The following COPB2 variants were observed in gnomAD, a reference collection of about 807,000 sequenced individuals.
COPB2 encodes coat protein complex I subunit beta 2.
Under a neutral mutation model 120.8 loss-of-function variants are expected in COPB2, and 16 were observed. The observed-to-expected ratio is 0.13, with a 90% CI of 0.09 to 0.20. The LOEUF (loss-of-function observed/expected upper bound fraction) is 0.20, where lower values mean the gene tolerates loss of function less well. Among genes scored for constraint, COPB2 ranks in the 10% least tolerant of loss-of-function variants. COPB2 has a pLI of 1.00. For missense variants in COPB2, 794 were observed against 1,076.5 expected (o/e 0.74, Z 3.67); for synonymous variants, 332 against 366.3 (o/e 0.91, Z 1.07).
Position 139,389,558 on chromosome 3 carries a change from T to C in COPB2, c.-8A>G. On this transcript the variant is annotated 5_prime_UTR_variant, in exon 1 of 22. Coordinates refer to ENST00000333188, the MANE Select transcript of COPB2 (RefSeq NM_004766.3). ...GGGATCTGGACCTACCATGGCTGCG[T>C]CGGTCCAATCCCGGGAACCCTCGTT... The C allele has an allele frequency of 6.3e-7, 1 of 1,577,268 alleles. No homozygotes were observed. Among genetic ancestry groups the C allele is most frequent in the Non-Finnish European group, 8.7e-7 (1 of 1,154,994 alleles).
chr3:139,359,402 A>G (rs1420457526), intron 17 of COPB2, 40 bp from the exon 18 acceptor site: 1 of 1,575,230 alleles, frequency 6.3e-7, no homozygotes, highest in Admixed American at 1.7e-5. Flanking sequence ...CCAAGAATAA[A>G]CACTATAATA....
chr3:139,383,180 A>C, intron 2 of COPB2, 118 bp downstream of exon 2: 1 of 1,186,450 alleles, frequency 8.4e-7, no homozygotes, highest in Non-Finnish European at 1.2e-6. Flanking sequence ...CTTTGTACCA[A>C]CTTGAGAAAG....
At position 139,387,044 on chromosome 3, in the gene COPB2, C is replaced by CA. The variant is rs538025993; in HGVS notation, c.3+2503dup. 4.9e-3 allele frequency among the ~76,000 whole-genome samples: 592 copies of CA among 121,286 alleles called. 6 individuals are homozygous for CA. Among genetic ancestry groups the CA allele is most frequent in the African/African-American group, 0.012 (366 of 29,474 alleles). The allele number at this position is 121,286 out of a possible 152,430, so 79.6% of individuals were successfully genotyped here. A position where few individuals can be genotyped will look rare whatever the true frequency, so the allele number is the denominator to read the frequency against. ...TGAAACCCCGTCTCTACTAAAAATA[C>CA]AAAAAAAAAAAAAAAAATTAGTTGG... On this transcript the variant is annotated intron_variant, in intron 1 of 21. Transcript: ENST00000333188.
Position 139,357,628 on chromosome 3 carries a change from A to G in COPB2, c.*235T>C, listed in dbSNP as rs1413318637. 1.4e-5 allele frequency: 5 copies of G among 368,230 alleles called. No individual in the cohort carries two copies. In the Admixed American group the frequency reaches 2.2e-4, roughly 16 times the overall value. The allele number at this position is 368,230 out of a possible 1,614,324, so 22.8% of individuals were successfully genotyped here. A position where few individuals can be genotyped will look rare whatever the true frequency, so the allele number is the denominator to read the frequency against. On this transcript the variant is annotated 3_prime_UTR_variant, in exon 22 of 22. Coordinates refer to ENST00000333188, the MANE Select transcript of COPB2 (RefSeq NM_004766.3). The stretch of plus-strand genomic sequence containing the variant: ...GTTTTATGAGATATGGTCTAATAGT[A>G]TGAAAAAAATCAAAGCCCATGTCTG...
In COPB2 at chr3:139,370,569, AAAT is replaced by A. The variant is rs369048872; in HGVS notation, c.1206-1028_1206-1026del. ...AATTATACCTCAATAAGGGCGATTTAAATAATAAAAACTGTGACAAATGGTTCA... is the reference window on the plus strand; with the variant it reads ...AATTATACCTCAATAAGGGCGATTTAAATAAAAACTGTGACAAATGGTTCA... On this transcript the variant is annotated intron_variant, in intron 10 of 21. Transcript: ENST00000333188. Among the ~76,000 whole-genome samples the A allele has an allele frequency of 7.6e-4, 116 of 152,374 alleles. 1 individual carries two copies. In the South Asian group the frequency reaches 0.023, roughly 30 times the overall value.
intron 15 of COPB2, among the ~76,000 whole-genome samples, chr3:139,363,820 G>A (rs539604052): frequency 1.3e-5 from 2 of 152,232 alleles, no homozygotes; most frequent in South Asian, 2.1e-4. Context: ...AACCCGCCCC[G>A]ATCCATCCAT....
At chr3:139,361,424 A>G (rs1444328017) in intron 16 of COPB2, 129 bp from the exon 17 acceptor site, 1 of 863,156 alleles carries the variant, frequency 1.2e-6, no homozygotes, top group Non-Finnish European at 1.7e-6. Flanking sequence ...CTCTATCAAA[A>G]TAAGAATGGC....
intron 5 of COPB2, among the ~76,000 whole-genome samples, chr3:139,375,830 T>C (rs536193267): frequency 1.3e-5 from 2 of 152,334 alleles, no homozygotes; most frequent in African/African-American, 4.8e-5. Flanking sequence ...GAAGTGCCAA[T>C]TTCCAGGCTT....
chr3:139,374,334 T>TA (rs1941679705), intron 7 of COPB2, 155 bp downstream of exon 7: 2 of 579,228 alleles, frequency 3.5e-6, no homozygotes, highest in Non-Finnish European at 6.2e-6. Context: ...ATGATGAAAA[T>TA]AATGCCCCTT....
rs1191259208 is a variant in COPB2, at chr3:139,366,698, T to C, written c.1754A>G (p.Tyr585Cys). ...TTCCAGGACTGAAACCAGCAGGGAA[T>C]AGCTAATGATGTTCAATTCTTTATC... ...LGDKELNIIS[Y>C]SLLVSVLEYQ... is the part of the protein sequence containing the mutation. Residue 585 changes from tyrosine to cysteine, a missense_variant, in exon 15 of 22, where the codon TAT becomes TGT. Tyr to Cys is a radical substitution (Grantham distance 194). This residue lies in a region of COPB2 where 610 missense variants were observed against 866.7 expected (regional missense o/e 0.70). Transcript: ENST00000333188. 8.7e-6 allele frequency: 14 copies of C among 1,614,094 alleles called. No individual in the cohort carries two copies. Among genetic ancestry groups the C allele is most frequent in the Non-Finnish European group, 1.2e-5 (14 of 1,179,984 alleles).
chr3:139,379,001 G>T, intron 4 of COPB2, 46 bp downstream of exon 4: 1 of 1,521,310 alleles, frequency 6.6e-7, no homozygotes, highest in South Asian at 1.3e-5. Context: ...GAATGAAAAT[G>T]AATTACCCAA....
intron 15 of COPB2, among the ~76,000 whole-genome samples, chr3:139,365,616 T>G (rs919098745): frequency 6.6e-6 from 1 of 151,876 alleles, no homozygotes; most frequent in African/African-American, 2.4e-5. Flanking sequence ...AACATGATGG[T>G]GAGGGGAAAT....
chr3:139,380,345 C>T (rs570517090), intron 2 of COPB2: 3 of 152,280 alleles, frequency 2.0e-5, no homozygotes, highest in East Asian at 3.9e-4. Flanking sequence ...AAAAGTGACT[C>T]ATGAATAAGG....
At chr3:139,375,935 T>G (rs1941705433) in intron 5 of COPB2, among the ~76,000 whole-genome samples, 1 of 152,166 alleles carries the variant, frequency 6.6e-6, no homozygotes, top group South Asian at 2.1e-4. Flanking sequence ...ATACAGCTCA[T>G]GAAAGTAGAT....
chr3:139,373,617 G>T, intron 8 of COPB2, 49 bp downstream of exon 8: 1 of 1,610,112 alleles, frequency 6.2e-7, no homozygotes, highest in East Asian at 2.2e-5. Flanking sequence ...AAAATACAAA[G>T]AAAATGGTTT....
chr3:139,389,329 C>A, intron 1 of COPB2: 2 of 616,192 alleles, frequency 3.2e-6, no homozygotes, highest in Middle Eastern at 5.0e-4. Context: ...GGAGACAAAA[C>A]CCCTCACTAG....
intron 7 of COPB2, 179 bp downstream of exon 7, chr3:139,374,298 CGATGATGATGAT>C (rs59409399): frequency 5.7e-5 from 28 of 494,648 alleles, no homozygotes; most frequent in South Asian, 2.5e-4. Flanking sequence ...AGAATGATGA[CGATGATGATGAT>C]GATGATGATG....
At position 139,366,656 on chromosome 3, in the gene COPB2, A is replaced by G. The variant is rs572382622; in HGVS notation, c.1796T>C (p.Met599Thr). Residue 599 changes from methionine to threonine, a missense_variant, in exon 15 of 22, where the codon ATG (methionine) becomes ACG (threonine). By Grantham distance (81) the Met-to-Thr change is moderately conservative. Transcript: ENST00000333188. ...ATCAGCCATGCTAAAGTCCCTCCGC[A>G]TGACAGCTGTCTGGTATTCCAGGAC... is the stretch of plus-strand genomic sequence containing the variant. ...VSVLEYQTAVMRRDFSMADKV... is the reference protein window; with the variant it reads ...VSVLEYQTAVTRRDFSMADKV... The G allele has an allele frequency of 1.2e-6, 2 of 1,614,014 alleles. No individual in the cohort carries two copies. Among genetic ancestry groups the G allele is most frequent in the Non-Finnish European group, 1.7e-6 (2 of 1,180,002 alleles).
At chr3:139,380,503 T>C (rs1206529530) in intron 2 of COPB2, 4 of 152,048 alleles carry the variant, frequency 2.6e-5, no homozygotes, top group African/African-American at 7.3e-5. Flanking sequence ...GAGACCCTCC[T>C]AGAAAGAGCA....
Sources: gnomAD v4.1 joint callset for allele counts (sites outside exome capture counted in the v4.1 genomes callset) on GRCh38, gnomAD v4.1.1 for gene constraint, gnomAD v4.1.1 regional missense constraint, MANE v1.5 for transcripts, NCBI Gene and HGNC (gene_info 2026-07-23, HGNC 2026-07-21) for gene names.